MYO10: variants seen among roughly 807,000 people sequenced by gnomAD.
MYO10 encodes myosin X.
Under a neutral mutation model 257.3 loss-of-function variants are expected in MYO10, and 133 were observed. The ratio of observed to expected loss-of-function variants is 0.52; its 90% CI spans 0.45 to 0.60. The LOEUF (loss-of-function observed/expected upper bound fraction) is 0.60. Among genes scored for constraint, MYO10 ranks in the 20% least tolerant of loss-of-function variants. MYO10 has a pLI of 0.00. For synonymous variants in MYO10, 1,104 were observed against 1,028.6 expected, an observed-to-expected ratio of 1.07 and a Z score of -1.40; for missense variants, 2,399 against 2,635.7, an observed-to-expected ratio of 0.91 and a Z score of 1.97.
intron 2 of MYO10, among the ~76,000 whole-genome samples, chr5:16,835,846 T>G (rs9312936): frequency 0.098 from 14,794 of 151,644 alleles, 1,352 homozygotes; most frequent in African/African-American, 0.24. Context: ...ACAAAAACAT[T>G]AATATCATGC....
At chr5:16,675,224 G>A in intron 34 of MYO10, 74 bp from the exon 35 acceptor site, 2 of 1,495,412 alleles carry the variant, frequency 1.3e-6, no homozygotes, top group Non-Finnish European at 1.8e-6. Flanking sequence ...CGGAGCAGTA[G>A]TCAAGACAAA....
In MYO10 at chr5:16,671,410, T is replaced by G. The variant is rs760771842; in HGVS notation, c.5430+12A>C. 9 of 1,613,600 alleles carry G rather than the reference T, an allele frequency of 5.6e-6. No individual in the cohort carries two copies. The highest frequency in any genetic ancestry group is 7.6e-6 in the Non-Finnish European group (9 of 1,179,772). On this transcript the variant is annotated intron_variant, in intron 38 of 40. Coordinates refer to ENST00000513610, the MANE Select transcript of MYO10 (RefSeq NM_012334.3). Reference sequence around the variant, plus strand: ...GCCGGCAAAGAAATCTGTTTCTAACTATTCCTTTTACCTGTTCAAACATAA... The same window carrying G: ...GCCGGCAAAGAAATCTGTTTCTAACGATTCCTTTTACCTGTTCAAACATAA...
rs1398003042 is a variant in MYO10 at position 16,701,619 on chromosome 5, C to T, written c.2776G>A (p.Glu926Lys). The change falls in exon 25 of 41, where the codon GAG becomes AAG. Residue 926 changes from glutamate to lysine, a missense_variant. Glu to Lys is a moderately conservative substitution (Grantham distance 56). This residue lies in a region of MYO10 where 1,820 missense variants were observed against 1,939.4 expected (regional missense o/e 0.94). Coordinates refer to ENST00000513610, the MANE Select transcript of MYO10 (RefSeq NM_012334.3). This position sits in a 1 kb window ranked among gnomAD's most constrained non-coding sequence, Gnocchi z 8.1. ...GCTTCCTCCTCCAGCCTGCGGAGCTCCTGGTCCCGCCGCTCCTGCAGCTTC... is the reference window on the plus strand; with the variant it reads ...GCTTCCTCCTCCAGCCTGCGGAGCTTCTGGTCCCGCCGCTCCTGCAGCTTC... The part of the protein sequence containing the change: ...LQKLQERRDQ[E>K]LRRLEEEACR... 3 of 1,610,774 alleles carry T rather than the reference C, an allele frequency of 1.9e-6. No individual in the cohort carries two copies. The highest frequency in any genetic ancestry group is 2.2e-5 in the East Asian group (1 of 44,788).
rs532277854 is a variant in MYO10 at position 16,923,251 on chromosome 5, T to C, written c.21+12537A>G. 3.3e-5 allele frequency among the ~76,000 whole-genome samples: 5 copies of C among 151,968 alleles called. No individual in the cohort carries two copies. In the South Asian group the frequency reaches 1.0e-3, roughly 32 times the overall value. ...AATTTAAATGACAATGGTATATACA[T>C]TGTCAGAGATGTAGTGTATTTTCAC... On this transcript the variant is annotated intron_variant, in intron 1 of 40. Transcript: ENST00000513610.
At chr5:16,694,751 G>A in intron 26 of MYO10, 137 bp from the exon 27 acceptor site, 1 of 1,131,210 alleles carries the variant, frequency 8.8e-7, no homozygotes, top group Non-Finnish European at 1.3e-6. Flanking sequence ...AGACCCCTCA[G>A]TGAGGAGTGG....
At chr5:16,926,686 AG>A (rs1274413303) in intron 1 of MYO10, among the ~76,000 whole-genome samples, 2 of 147,142 alleles carry the variant, frequency 1.4e-5, no homozygotes, top group South Asian at 4.5e-4. Flanking sequence ...TGGGCGAAAG[AG>A]GAAGACTCTG....
chr5:16,796,792 T>C (rs1741985591), intron 3 of MYO10, among the ~76,000 whole-genome samples: 1 of 152,214 alleles, frequency 6.6e-6, no homozygotes, highest in South Asian at 2.1e-4. Context: ...ATTCACATGC[T>C]GAAGCCCTAA....
rs929315372 is a variant in MYO10 at position 16,665,806 on chromosome 5, TAC to T, written c.*884_*885del. 3.9e-5 allele frequency: 6 copies of T among 152,640 alleles called. No homozygotes were observed. Among genetic ancestry groups the T allele is most frequent in the South Asian group, 4.1e-4 (2 of 4,832 alleles). The allele number at this position is 152,640 out of a possible 1,614,324, so 9.5% of individuals were successfully genotyped here. The stretch of plus-strand genomic sequence containing the variant: ...CAGCTGTTGAAGAGTGGTTTATAAA[TAC>T]AGTTATCTTGTAGGCTGCTTATCTG... On this transcript the variant is annotated 3_prime_UTR_variant, in exon 41 of 41. Coordinates refer to ENST00000513610, the MANE Select transcript of MYO10 (RefSeq NM_012334.3).
chr5:16,886,942 A>C (rs1227279140), intron 1 of MYO10, among the ~76,000 whole-genome samples: 1 of 151,960 alleles, frequency 6.6e-6, no homozygotes, highest in East Asian at 1.9e-4. Context: ...CAAAAAAAAA[A>C]AAAAAAACAA....
intron 19 of MYO10, among the ~76,000 whole-genome samples, chr5:16,727,972 T>C (rs560431741): frequency 1.3e-5 from 2 of 152,158 alleles, no homozygotes; most frequent in South Asian, 2.1e-4. Context: ...TTTAATTATG[T>C]CCATGGGACA....
At chr5:16,709,822 C>T (rs1267263795) in intron 21 of MYO10, among the ~76,000 whole-genome samples, 2 of 152,182 alleles carry the variant, frequency 1.3e-5, no homozygotes, top group East Asian at 3.9e-4. Flanking sequence ...ATTATCTCTG[C>T]ATGCTATCTC....
intron 4 of MYO10, among the ~76,000 whole-genome samples, chr5:16,791,258 C>G (rs1394819945): frequency 6.6e-6 from 1 of 152,132 alleles, no homozygotes; most frequent in Non-Finnish European, 1.5e-5. Flanking sequence ...CTAAACAGGG[C>G]TCCTACGTCC....
chr5:16,686,351 G>A (rs1260613822), intron 28 of MYO10, among the ~76,000 whole-genome samples: 3 of 152,014 alleles, frequency 2.0e-5, no homozygotes, highest in Admixed American at 6.6e-5. Flanking sequence ...TTTGAGCACC[G>A]ACATGATGCT....
At chr5:16,761,417 A>C (rs1461835062) in intron 17 of MYO10, 47 bp downstream of exon 17, 7 of 1,424,072 alleles carry the variant, frequency 4.9e-6, no homozygotes, top group Non-Finnish European at 5.9e-6. Flanking sequence ...ATTTGCACAA[A>C]TATTCATTTG....
intron 1 of MYO10, among the ~76,000 whole-genome samples, chr5:16,884,715 T>TC (rs1222228578): frequency 1.7e-5 from 1 of 60,058 alleles, no homozygotes; most frequent in Non-Finnish European, 5.4e-5. Flanking sequence ...TACCAGATGC[T>TC]TTTTTTTTCT....
At position 16,714,166 on chromosome 5, in the gene MYO10, T is replaced by C. The variant is rs1054231394; in HGVS notation, c.1930-2921A>G. Among the ~76,000 whole-genome samples, 8 of 152,218 alleles carry C rather than the reference T, an allele frequency of 5.3e-5. No individual in the cohort carries two copies. The East Asian group carries it at 1.2e-3, about 22-fold the overall frequency. ...TACTTAGATAGCGGAAAGCCTAATA[T>C]TAAACTATAATTAAAGATTAAAATT... On this transcript the variant is annotated intron_variant, in intron 19 of 40. Coordinates refer to ENST00000513610, the MANE Select transcript of MYO10 (RefSeq NM_012334.3).
intron 4 of MYO10, among the ~76,000 whole-genome samples, chr5:16,792,126 CACACACAGAGAG>C (rs1295959939): frequency 7.5e-4 from 92 of 122,632 alleles, no homozygotes; most frequent in African/African-American, 1.8e-3. Flanking sequence ...CACACACACA[CACACACAGAGAG>C]AGAGAGAGAG....
At chr5:16,750,557 A>G (rs1464490382) in intron 19 of MYO10, among the ~76,000 whole-genome samples, 1 of 152,182 alleles carries the variant, frequency 6.6e-6, no homozygotes, top group Non-Finnish European at 1.5e-5. Flanking sequence ...GTGTGCTCCC[A>G]CTAGCCCGGC....
At chr5:16,707,773 T>C (rs964488760) in intron 21 of MYO10, among the ~76,000 whole-genome samples, 1 of 152,208 alleles carries the variant, frequency 6.6e-6, no homozygotes, top group Admixed American at 6.5e-5. Flanking sequence ...GGCTGTGCCG[T>C]GAAGCATCCG....
Sources: allele counts gnomAD v4.1 joint callset (sites outside exome capture counted in the v4.1 genomes callset), GRCh38; gene constraint gnomAD v4.1.1; regional missense constraint gnomAD v4.1.1; non-coding constraint Gnocchi (gnomAD v3.1); transcripts MANE v1.5; gene names NCBI Gene and HGNC (gene_info 2026-07-23, HGNC 2026-07-21).